RIN2: variants seen among roughly 807,000 people sequenced by gnomAD.
The protein encoded by RIN2 is RAB5 interacting protein 2.
A neutral mutation model predicts 78.0 loss-of-function variants in RIN2; 36 were observed. The observed-to-expected ratio is 0.46, with a 90% confidence interval of 0.35 to 0.61. The LOEUF is 0.61. Among genes scored for constraint, RIN2 ranks in the 20% least tolerant of loss-of-function variants. The pLI is 0.00. For missense variants in RIN2, 1,087 were observed against 1,159.7 expected (o/e 0.94, Z 0.91); for synonymous variants, 466 against 466.8 (o/e 1.00, Z 0.02).
intron 2 of RIN2, among the ~76,000 whole-genome samples, chr20:19,860,443 C>A (rs1431512058): frequency 6.6e-6 from 1 of 152,064 alleles, no homozygotes; most frequent in East Asian, 1.9e-4. Flanking sequence ...CTTCAGCCTC[C>A]CAAGTAGCTG....
At chr20:19,852,662 T>C (rs1481614629) in intron 2 of RIN2, among the ~76,000 whole-genome samples, 1 of 152,154 alleles carries the variant, frequency 6.6e-6, no homozygotes, top group East Asian at 1.9e-4. Context: ...TTACTCTTTG[T>C]ATGCTCTTTT....
intron 2 of RIN2, among the ~76,000 whole-genome samples, chr20:19,835,063 GAA>G (rs1383470672): frequency 4.2e-5 from 6 of 141,980 alleles, no homozygotes; most frequent in African/African-American, 1.6e-4. Context: ...GAAAGAAAGA[GAA>G]AAAGAGAAAG....
At chr20:19,889,484 G>T (rs552843057) in intron 2 of RIN2, 82 bp from the exon 3 acceptor site, 5 of 1,329,676 alleles carry the variant, frequency 3.8e-6, no homozygotes, top group Non-Finnish European at 4.2e-6. Flanking sequence ...ATCTTGGCAG[G>T]ACTGTTGTTG....
intron 4 of RIN2, among the ~76,000 whole-genome samples, chr20:19,950,882 AC>A (rs201322002): frequency 0.087 from 12,320 of 140,938 alleles, 709 homozygotes; most frequent in East Asian, 0.3. Context: ...TGCCTGGCTA[AC>A]CTTTTTTTTT....
At chr20:19,822,834 CATTT>C (rs1187235263) in intron 2 of RIN2, among the ~76,000 whole-genome samples, 2 of 152,156 alleles carry the variant, frequency 1.3e-5, no homozygotes, top group African/African-American at 4.8e-5. Context: ...GCTTTGGATG[CATTT>C]ATTTAGTATG....
At chr20:19,797,377 C>A (rs990860962) in intron 1 of RIN2, among the ~76,000 whole-genome samples, 4 of 152,188 alleles carry the variant, frequency 2.6e-5, no homozygotes, top group Non-Finnish European at 5.9e-5. Context: ...CATTTACATT[C>A]TTGTTCTTAT....
intron 4 of RIN2, among the ~76,000 whole-genome samples, chr20:19,948,220 C>T (rs2041174897): frequency 6.6e-6 from 1 of 152,204 alleles, no homozygotes; most frequent in Admixed American, 6.5e-5. Flanking sequence ...AACTATGGAA[C>T]TTCCCCTAGG....
chr20:19,883,320 A>G (rs1390912787), intron 2 of RIN2, among the ~76,000 whole-genome samples: 1 of 144,818 alleles, frequency 6.9e-6, no homozygotes, highest in Non-Finnish European at 1.5e-5. Flanking sequence ...GAAGCTTCCT[A>G]CTCCAGAAAG....
intron 2 of RIN2, among the ~76,000 whole-genome samples, chr20:19,853,823 G>A (rs1380367930): frequency 3.3e-5 from 5 of 152,128 alleles, no homozygotes; most frequent in East Asian, 1.9e-4. Context: ...CTCCCATTCT[G>A]TAGGTTGCCT....
chr20:19,869,792 T>TTTTA (rs71198030), intron 2 of RIN2, among the ~76,000 whole-genome samples: 22,058 of 136,214 alleles, frequency 0.16, 2,035 homozygotes, highest in African/African-American at 0.21. Flanking sequence ...GCCTGGCTAA[T>TTTTA]TTTATTTATT....
At chr20:19,836,727 G>A (rs533077714) in intron 2 of RIN2, among the ~76,000 whole-genome samples, 7 of 152,084 alleles carry the variant, frequency 4.6e-5, no homozygotes, top group Non-Finnish European at 7.3e-5. Context: ...TAGCTGTTAT[G>A]ATAGAGGAAG....
chr20:19,769,870 A>G (rs373354502), intron 1 of RIN2, among the ~76,000 whole-genome samples: 142 of 152,364 alleles, frequency 9.3e-4, no homozygotes, highest in African/African-American at 3.3e-3. Flanking sequence ...AAAGTTTTTT[A>G]CTAAGGTATA....
chr20:19,776,524 G>A (rs963514491), intron 1 of RIN2, among the ~76,000 whole-genome samples: 1 of 152,086 alleles, frequency 6.6e-6, no homozygotes, highest in African/African-American at 2.4e-5. Context: ...CTGAGGTCAG[G>A]AGTTCGAGAC....
At chr20:19,933,932 T>C (rs916049823) in intron 3 of RIN2, among the ~76,000 whole-genome samples, 7 of 152,120 alleles carry the variant, frequency 4.6e-5, no homozygotes, top group African/African-American at 1.2e-4. Context: ...CCTCAGCCTC[T>C]GGAGTAGCTG....
At position 19,975,708 on chromosome 20, in the gene RIN2, G is replaced by T; in HGVS notation, c.1683G>T (p.Met561Ile). 1 of 1,613,574 alleles carries T rather than the reference G, an allele frequency of 6.2e-7. No homozygotes were observed. The highest frequency in any genetic ancestry group is 1.3e-5 in the African/African-American group (1 of 75,034). Residue 561 changes from methionine to isoleucine, a missense_variant, in exon 9 of 13, where the codon ATG (methionine) becomes ATT (isoleucine). Coordinates refer to ENST00000255006, the MANE Select transcript of RIN2 (RefSeq NM_018993.4). This position sits in a 1 kb window ranked among gnomAD's most constrained non-coding sequence, Gnocchi z 4.9. ...TDMLQTIRQF[M>I]TQVKNYLSQS... Reference sequence around the variant, plus strand: ...TGCTGCAGACCATCCGGCAGTTCATGACCCAGGTCAAGAACTATTTGTCTC... The same window carrying T: ...TGCTGCAGACCATCCGGCAGTTCATTACCCAGGTCAAGAACTATTTGTCTC...
chr20:19,885,207 A>G (rs779209209), intron 2 of RIN2, among the ~76,000 whole-genome samples: 1 of 152,058 alleles, frequency 6.6e-6, no homozygotes, highest in Non-Finnish European at 1.5e-5. Context: ...TGTGACCTAA[A>G]GTAAATAAAA....
At chr20:19,823,287 C>T (rs1159481947) in intron 2 of RIN2, among the ~76,000 whole-genome samples, 1 of 152,158 alleles carries the variant, frequency 6.6e-6, no homozygotes, top group Non-Finnish European at 1.5e-5. Context: ...TGTTCATGCC[C>T]TGGAATCTGG....
At chr20:19,935,647 C>A in intron 4 of RIN2, 1 of 985,564 alleles carries the variant, frequency 1.0e-6, no homozygotes, top group Non-Finnish European at 1.2e-6. Flanking sequence ...AAACCATTAA[C>A]CTGAAAAGCC....
At chr20:19,782,192 A>G (rs901229838) in intron 1 of RIN2, among the ~76,000 whole-genome samples, 1 of 152,202 alleles carries the variant, frequency 6.6e-6, no homozygotes, top group South Asian at 2.1e-4. Flanking sequence ...AAAACTCTTG[A>G]AGGAAAGGTC....
Sources: allele counts gnomAD v4.1 joint callset (sites outside exome capture counted in the v4.1 genomes callset), GRCh38; gene constraint gnomAD v4.1.1; non-coding constraint Gnocchi (gnomAD v3.1); transcripts MANE v1.5; gene names NCBI Gene and HGNC (gene_info 2026-07-23, HGNC 2026-07-21).